The following PCDHGA5 variants were observed in gnomAD, a reference collection of about 807,000 sequenced individuals.
PCDHGA5 encodes protocadherin gamma-A5.
PCDHGA5 carries 36 observed loss-of-function variants against 56.7 expected under a neutral mutation model. That is an observed-to-expected ratio of 0.64 (90% CI 0.49 to 0.84). The LOEUF is 0.84. Among genes scored for constraint, PCDHGA5 ranks in the 40% least tolerant of loss-of-function variants. PCDHGA5 has a pLI of 0.00. For synonymous variants in PCDHGA5, 563 were observed against 520.2 expected, an observed-to-expected ratio of 1.08 and a Z score of -1.12; for missense variants, 1,305 against 1,201.5, an observed-to-expected ratio of 1.09 and a Z score of -1.27.
At chr5:141,402,361 T>G (rs2094255838) in intron 1 of PCDHGA5, among the ~76,000 whole-genome samples, 1 of 151,992 alleles carries the variant, frequency 6.6e-6, no homozygotes, top group Admixed American at 6.6e-5. Flanking sequence ...ATGAATGTAC[T>G]TCCAAACAAG....
At chr5:141,393,029 G>A in intron 1 of PCDHGA5, 1 of 1,613,754 alleles carries the variant, frequency 6.2e-7, no homozygotes, top group Non-Finnish European at 8.5e-7. Context: ...GAGGTAGGAC[G>A]CAGCTCTTTG....
chr5:141,422,040 C>A, intron 1 of PCDHGA5: 1 of 1,611,442 alleles, frequency 6.2e-7, no homozygotes, highest in Non-Finnish European at 8.5e-7. Context: ...CGGATCCAGA[C>A]GAGGGAATCA....
At chr5:141,427,526 G>A (rs956426158) in intron 1 of PCDHGA5, 2 of 612,866 alleles carry the variant, frequency 3.3e-6, no homozygotes, top group Middle Eastern at 2.6e-4. Context: ...AGCGGATCCC[G>A]GAGTACAACG....
At chr5:141,468,802 C>G (rs928501013) in intron 1 of PCDHGA5, among the ~76,000 whole-genome samples, 1 of 151,620 alleles carries the variant, frequency 6.6e-6, no homozygotes, top group African/African-American at 2.4e-5. Context: ...GGAGGCGGAA[C>G]TTGCAGTGAG....
chr5:141,374,457 A>G (rs775796857), intron 1 of PCDHGA5: 1 of 1,613,430 alleles, frequency 6.2e-7, no homozygotes. Context: ...GAAATAGTGG[A>G]CATTAATGAC....
chr5:141,394,060 C>G, intron 1 of PCDHGA5: 8 of 1,613,780 alleles, frequency 5.0e-6, no homozygotes, highest in Non-Finnish European at 5.9e-6. Context: ...GAAAATGTCT[C>G]TATCTACAAT....
chr5:141,403,109 G>T, intron 1 of PCDHGA5: 2 of 1,614,074 alleles, frequency 1.2e-6, no homozygotes, highest in Non-Finnish European at 1.7e-6. Flanking sequence ...CAAGGACCTG[G>T]CTCTGGAGCC....
At chr5:141,478,443 C>T (rs2099456258) in intron 1 of PCDHGA5, 3 of 1,613,494 alleles carry the variant, frequency 1.9e-6, no homozygotes, top group Admixed American at 1.7e-5. Flanking sequence ...CTGAAGAAAC[C>T]TGGTGCAGCC....
chr5:141,371,336 C>T (rs2149982904), intron 1 of PCDHGA5: 1 of 1,613,926 alleles, frequency 6.2e-7, no homozygotes, highest in Non-Finnish European at 8.5e-7. Context: ...AGAGAGATAG[C>T]TACACAATTG....
intron 1 of PCDHGA5, among the ~76,000 whole-genome samples, chr5:141,494,341 G>C (rs565090556): frequency 9.2e-5 from 14 of 152,352 alleles, no homozygotes; most frequent in Admixed American, 9.1e-4. Context: ...ACCAAGAACA[G>C]CAGCCATCTT....
At position 141,511,345 on chromosome 5, in the gene PCDHGA5, T is replaced by A; in HGVS notation, c.*172T>A. The A allele has an allele frequency of 7.8e-6, 11 of 1,410,508 alleles. No individual in the cohort carries two copies. The highest frequency in any genetic ancestry group is 1.0e-5 in the Non-Finnish European group (11 of 1,060,682). 87.4% of individuals were successfully genotyped at this position (1,410,508 alleles called of 1,614,324 possible). ...AAGTGCCCAGTCAGCACCTACCCCT[T>A]CCCCCCCAGGGGGTTGAATATGCAA... On this transcript the variant is annotated 3_prime_UTR_variant, in exon 4 of 4. Transcript: ENST00000518069.
intron 1 of PCDHGA5, among the ~76,000 whole-genome samples, chr5:141,484,023 G>A (rs67828357): frequency 0.059 from 8,857 of 150,044 alleles, 313 homozygotes; most frequent in South Asian, 0.11. Context: ...GGTGGGGTGA[G>A]ATCAAGTCTC....
At chr5:141,483,670 A>G (rs1158511173) in intron 1 of PCDHGA5, among the ~76,000 whole-genome samples, 1 of 138,404 alleles carries the variant, frequency 7.2e-6, no homozygotes, top group African/African-American at 3.1e-5. Context: ...GTGTGTGTGT[A>G]AAAGAACACA....
At chr5:141,506,735 G>A (rs1467217136) in intron 3 of PCDHGA5, among the ~76,000 whole-genome samples, 1 of 152,098 alleles carries the variant, frequency 6.6e-6, no homozygotes, top group Non-Finnish European at 1.5e-5. Context: ...TTAGAATAAT[G>A]CCTATTAATA....
chr5:141,419,067 A>C (rs2096321794), intron 1 of PCDHGA5: 2 of 1,613,956 alleles, frequency 1.2e-6, no homozygotes, highest in African/African-American at 1.3e-5. Flanking sequence ...AATTACTACA[A>C]GCTAGTAACA....
chr5:141,368,590 A>G (rs914366988), intron 1 of PCDHGA5, among the ~76,000 whole-genome samples: 8 of 152,142 alleles, frequency 5.3e-5, no homozygotes, highest in African/African-American at 9.7e-5. Context: ...GGTGTTTGGG[A>G]AAAAAGTAAA....
intron 1 of PCDHGA5, chr5:141,423,928 G>C: frequency 8.1e-7 from 1 of 1,236,850 alleles, no homozygotes; most frequent in Non-Finnish European, 1.0e-6. Flanking sequence ...ATGCTGGTTT[G>C]GTTTGAAGTA....
chr5:141,375,336 A>G, intron 1 of PCDHGA5: 1 of 1,613,828 alleles, frequency 6.2e-7, no homozygotes, highest in African/African-American at 1.3e-5. Context: ...GTATTCTTGT[A>G]CAACATCACT....
chr5:141,442,472 C>T (rs1032989256), intron 1 of PCDHGA5: 1 of 152,204 alleles, frequency 6.6e-6, no homozygotes, highest in Non-Finnish European at 1.5e-5. Context: ...GCAGAAAGCC[C>T]CTTGGGGAAG....
Sources: gnomAD v4.1 joint callset for allele counts (sites outside exome capture counted in the v4.1 genomes callset) on GRCh38, gnomAD v4.1.1 for gene constraint, MANE v1.5 for transcripts, NCBI Gene and HGNC (gene_info 2026-07-23, HGNC 2026-07-21) for gene names.